Variants in RANBP17 observed in about 807,000 individuals in gnomAD.
RANBP17 encodes the protein ran-binding protein 17.
Under a neutral mutation model 141.2 loss-of-function variants are expected in RANBP17, and 158 were observed. The ratio of observed to expected loss-of-function variants is 1.12; its 90% confidence interval spans 0.98 to 1.28. RANBP17 has a LOEUF of 1.28. RANBP17 is among the 50% of genes most tolerant of loss of function. The probability of loss-of-function intolerance (pLI) is 0.00; values close to 1 mark genes in which losing one functional copy is unlikely to be tolerated. For synonymous variants in RANBP17, 430 were observed against 450.0 expected (o/e 0.96, Z 0.56); for missense variants, 1,438 against 1,290.7 (o/e 1.11, Z -1.75).
chr5:170,985,041 GCACA>G (rs10540038), intron 14 of RANBP17, among the ~76,000 whole-genome samples: 92,101 of 149,970 alleles, frequency 0.61, 29,402 homozygotes, highest in South Asian at 0.88. Flanking sequence ...AGACACACAG[GCACA>G]CACAGACACA....
intron 14 of RANBP17, among the ~76,000 whole-genome samples, chr5:171,022,676 C>T (rs542164605): frequency 6.6e-6 from 1 of 152,322 alleles, no homozygotes; most frequent in African/African-American, 2.4e-5. Context: ...TGGAGCTATA[C>T]AGAGGGATGC....
chr5:171,296,198 A>G (rs1046940519), intron 27 of RANBP17, among the ~76,000 whole-genome samples, 184 bp downstream of exon 27: 4 of 152,224 alleles, frequency 2.6e-5, no homozygotes, highest in Admixed American at 6.5e-5. Context: ...TCCAGGCGTC[A>G]TACTAGGCAT....
intron 14 of RANBP17, among the ~76,000 whole-genome samples, chr5:171,108,456 A>G (rs1395822184): frequency 6.6e-6 from 1 of 152,204 alleles, no homozygotes; most frequent in African/African-American, 2.4e-5. Flanking sequence ...TCTGTCACCC[A>G]GGCTGGAGTG....
chr5:171,277,637 G>GTGTGTATATA (rs1437482589), intron 25 of RANBP17, among the ~76,000 whole-genome samples: 14 of 56,920 alleles, frequency 2.5e-4, no homozygotes, highest in East Asian at 8.8e-4. Flanking sequence ...ATATATGTAT[G>GTGTGTATATA]TATATATATA....
intron 21 of RANBP17, among the ~76,000 whole-genome samples, chr5:171,218,184 A>T (rs182958780): frequency 2.0e-5 from 3 of 152,232 alleles, no homozygotes; most frequent in Admixed American, 6.5e-5. Context: ...TTCAGTTTCC[A>T]TGTAGTTGTG....
At chr5:171,082,709 T>C (rs984030489) in intron 14 of RANBP17, among the ~76,000 whole-genome samples, 1 of 152,116 alleles carries the variant, frequency 6.6e-6, no homozygotes, top group Non-Finnish European at 1.5e-5. Flanking sequence ...TAAACAGTTA[T>C]TGTGGGAATT....
chr5:170,971,752 C>A (rs562093125), intron 14 of RANBP17, among the ~76,000 whole-genome samples: 1 of 152,144 alleles, frequency 6.6e-6, no homozygotes, highest in African/African-American at 2.4e-5. Flanking sequence ...TCTTCTGCCC[C>A]TTTCTTTTTA....
chr5:171,207,696 C>T (rs1762657275), intron 20 of RANBP17: 1 of 151,960 alleles, frequency 6.6e-6, no homozygotes, highest in Admixed American at 6.6e-5. Context: ...AAATCAGCTT[C>T]CTTGGGAAAA....
At chr5:170,999,750 C>T (rs1002792593) in intron 14 of RANBP17, among the ~76,000 whole-genome samples, 6 of 151,982 alleles carry the variant, frequency 3.9e-5, no homozygotes, top group African/African-American at 1.4e-4. Context: ...AAGAAATATA[C>T]AACATAAAAT....
At chr5:170,945,356 G>T (rs541728517) in intron 12 of RANBP17, among the ~76,000 whole-genome samples, 2 of 152,074 alleles carry the variant, frequency 1.3e-5, no homozygotes, top group Non-Finnish European at 2.9e-5. Context: ...TTTTTTGTAG[G>T]TATGATACAG....
intron 21 of RANBP17, 55 bp from the exon 22 acceptor site, chr5:171,221,703 C>T: frequency 1.0e-6 from 1 of 963,060 alleles, no homozygotes; most frequent in Admixed American, 1.8e-5. Context: ...CATTTTAAAT[C>T]TGTGTTTGGT....
intron 14 of RANBP17, among the ~76,000 whole-genome samples, chr5:171,057,852 G>A (rs536685608): frequency 3.0e-4 from 45 of 152,170 alleles, no homozygotes; most frequent in African/African-American, 9.9e-4. Flanking sequence ...CAGCATGGGG[G>A]AAACTGCCCC....
At chr5:171,008,637 G>A (rs149768162) in intron 14 of RANBP17, among the ~76,000 whole-genome samples, 1,778 of 152,282 alleles carry the variant, frequency 0.012, 32 homozygotes, top group African/African-American at 0.041. Context: ...AGGGTGGGGA[G>A]AATTACAAAG....
rs70982330 is a variant in RANBP17 at position 171,277,637 on chromosome 5, GTATATATATATATATATA to G, written c.2943+11804_2943+11821del. On this transcript the variant is annotated intron_variant, in intron 25 of 27. Transcript: ENST00000523189. ...GTGCCTTACGTATACATATATGTAT[GTATATATATATATATATA>G]TATATATATATATTTATGTCTTACA... 3.9e-3 allele frequency among the ~76,000 whole-genome samples: 224 copies of G among 56,920 alleles called. 16 individuals are homozygous for G. The highest frequency in any genetic ancestry group is 0.012 in the African/African-American group (199 of 17,222). The allele number at this position is 56,920 out of a possible 152,430, so 37.3% of individuals were successfully genotyped here.
At chr5:171,125,665 A>G (rs1385342798) in intron 14 of RANBP17, among the ~76,000 whole-genome samples, 1 of 152,220 alleles carries the variant, frequency 6.6e-6, no homozygotes, top group Non-Finnish European at 1.5e-5. Context: ...TGTAGACCAA[A>G]TGGACCTAAC....
At chr5:171,259,906 G>A (rs1766173841) in intron 24 of RANBP17, among the ~76,000 whole-genome samples, 1 of 151,982 alleles carries the variant, frequency 6.6e-6, no homozygotes, top group Admixed American at 6.6e-5. Flanking sequence ...GCTTGAACCT[G>A]GGAGGTAGAG....
intron 14 of RANBP17, among the ~76,000 whole-genome samples, chr5:171,129,164 G>A (rs1034324842): frequency 6.6e-6 from 1 of 152,076 alleles, no homozygotes; most frequent in Non-Finnish European, 1.5e-5. Context: ...AGGGAAAGAG[G>A]GAAGAATGGG....
intron 12 of RANBP17, among the ~76,000 whole-genome samples, chr5:170,932,329 A>G (rs925021703): frequency 2.0e-5 from 3 of 152,058 alleles, no homozygotes; most frequent in Admixed American, 6.6e-5. Context: ...GGGTTTTCTA[A>G]ATATACAATC....
chr5:170,913,206 G>C (rs1332924565), intron 7 of RANBP17, among the ~76,000 whole-genome samples: 1 of 151,946 alleles, frequency 6.6e-6, no homozygotes, highest in Non-Finnish European at 1.5e-5. Flanking sequence ...TGATGTACAA[G>C]CAAAGAAAGT....
Sources: gnomAD v4.1 joint callset for allele counts (sites outside exome capture counted in the v4.1 genomes callset) on GRCh38, gnomAD v4.1.1 for gene constraint, MANE v1.5 for transcripts, NCBI Gene and HGNC (gene_info 2026-07-23, HGNC 2026-07-21) for gene names.